SYNE2: variants seen among roughly 807,000 people sequenced by gnomAD.
The protein encoded by SYNE2 is nesprin-2.
Under a neutral mutation model 856.3 loss-of-function variants are expected in SYNE2, and 431 were observed. That is an observed-to-expected ratio of 0.50 (90% CI 0.47 to 0.55). SYNE2 has a LOEUF of 0.55. Ranked by LOEUF, SYNE2 falls within the 20% of genes least tolerant of loss-of-function variation. The pLI is 0.00. For synonymous variants in SYNE2, 2,923 were observed against 2,872.3 expected, an observed-to-expected ratio of 1.02 and a Z score of -0.56; for missense variants, 8,129 against 8,023.2, an observed-to-expected ratio of 1.01 and a Z score of -0.50.
chr14:63,853,963 A>G (rs1342151344), intron 1 of SYNE2, among the ~76,000 whole-genome samples: 1 of 152,162 alleles, frequency 6.6e-6, no homozygotes, highest in Non-Finnish European at 1.5e-5. Flanking sequence ...TGGGAACATT[A>G]GCGCCTTATT....
chr14:64,127,441 A>C (rs1168285613), intron 73 of SYNE2, among the ~76,000 whole-genome samples: 1 of 152,130 alleles, frequency 6.6e-6, no homozygotes, highest in Non-Finnish European at 1.5e-5. Flanking sequence ...AAAATAAAAA[A>C]AGTAGAGTCT....
rs763878521 is a variant in SYNE2 at position 64,002,805 on chromosome 14, C to T, written c.3872C>T (p.Pro1291Leu). 1 of 1,600,236 alleles carries T rather than the reference C, an allele frequency of 6.2e-7. No individual in the cohort carries two copies. The highest frequency in any genetic ancestry group is 1.4e-5 in the African/African-American group (1 of 70,676). The change falls in exon 30 of 116, where the codon CCA (proline) becomes CTA (leucine). Residue 1291 changes from proline (P) to leucine (L), a missense_variant. Coordinates refer to ENST00000555002, the MANE Select transcript of SYNE2 (RefSeq NM_182914.3). ...PGNFVLKELHPFDLHAMQNII... is the reference protein window; with the variant it reads ...PGNFVLKELHLFDLHAMQNII... ...AACTTTGTATTAAAGGAGTTACACC[C>T]ATTTGATCTACACGCAATGCAGAAT...
intron 10 of SYNE2, 36 bp downstream of exon 10, chr14:63,964,036 C>A (rs761551681): frequency 7.7e-7 from 1 of 1,295,746 alleles, no homozygotes; most frequent in South Asian, 1.2e-5. Context: ...TGTAATTTAC[C>A]TTTTAAGAGT....
intron 35 of SYNE2, 34 bp from the exon 36 acceptor site, chr14:64,021,281 C>T (rs750154181): frequency 4.6e-6 from 7 of 1,528,170 alleles, no homozygotes; most frequent in Non-Finnish European, 6.4e-6. Flanking sequence ...TAAATAATGA[C>T]TGTTATACAA....
At chr14:63,868,466 C>A (rs1430771598) in intron 1 of SYNE2, among the ~76,000 whole-genome samples, 1 of 149,526 alleles carries the variant, frequency 6.7e-6, no homozygotes, top group East Asian at 1.9e-4. Context: ...CAGAGTGAGA[C>A]CCTGCCTTAA....
At chr14:63,834,846 G>T (rs1290379423) in intron 1 of SYNE2, among the ~76,000 whole-genome samples, 1 of 149,432 alleles carries the variant, frequency 6.7e-6, no homozygotes, top group African/African-American at 2.5e-5. Flanking sequence ...TCACCATGTT[G>T]GCCAGATGGT....
intron 18 of SYNE2, among the ~76,000 whole-genome samples, chr14:63,984,495 T>G (rs2096610323): frequency 6.6e-6 from 1 of 152,220 alleles, no homozygotes; most frequent in Non-Finnish European, 1.5e-5. Context: ...ATTGGCTACC[T>G]TTAGGCTAGC....
chr14:64,222,658 G>A (rs1175976575), intron 112 of SYNE2, among the ~76,000 whole-genome samples: 10 of 152,292 alleles, frequency 6.6e-5, no homozygotes, highest in African/African-American at 1.9e-4. Context: ...CCCAGGAGGC[G>A]GAGGTTGCAG....
Position 64,022,008 on chromosome 14 carries a change from A to G in SYNE2, c.5504A>G (p.His1835Arg). The G allele has an allele frequency of 6.2e-7, 1 of 1,613,764 alleles. No homozygotes were observed. Among genetic ancestry groups the G allele is most frequent in the Admixed American group, 1.7e-5 (1 of 60,014 alleles). The change falls in exon 37 of 116, where the codon CAC becomes CGC. Residue 1835 changes from histidine to arginine, a missense_variant. By Grantham distance (29) the His-to-Arg change is conservative (BLOSUM62 0). Coordinates refer to ENST00000555002, the MANE Select transcript of SYNE2 (RefSeq NM_182914.3). ...FNTKKSVLQD[H>R]FSKLLNDQCK... Reference sequence around the variant, plus strand: ...ACCAAAAAAAGTGTTTTGCAAGATCACTTTTCTAAGTTATTGAATGGTGAG... The same window carrying G: ...ACCAAAAAAAGTGTTTTGCAAGATCGCTTTTCTAAGTTATTGAATGGTGAG...
At chr14:64,181,918 G>A (rs1174937183) in intron 96 of SYNE2, among the ~76,000 whole-genome samples, 1 of 152,076 alleles carries the variant, frequency 6.6e-6, no homozygotes, top group African/African-American at 2.4e-5. Flanking sequence ...GGAACAGTTT[G>A]GTTTTTAAAT....
At position 64,070,831 on chromosome 14, in the gene SYNE2, A is replaced by T; in HGVS notation, c.10618A>T (p.Asn3540Tyr). 6.2e-7 allele frequency: 1 copy of T among 1,614,216 alleles called. No homozygotes were observed. Among genetic ancestry groups the T allele is most frequent in the African/African-American group, 1.3e-5 (1 of 75,060 alleles). ...TCTTCAGCGCATCAGAAGTATCCAG[A>T]ATGTTCCTGAAAGCTCAGGGGCTGT... is the stretch of plus-strand genomic sequence containing the variant. ...LLLQRIRSIQ[N>Y]VPESSGAVET... The change falls in exon 52 of 116, where the codon AAT becomes TAT. Residue 3540 changes from asparagine to tyrosine, a missense_variant. This residue lies in a region of SYNE2 where 5,410 missense variants were observed against 5,284.8 expected (regional missense o/e 1.02). Coordinates refer to ENST00000555002, the MANE Select transcript of SYNE2 (RefSeq NM_182914.3).
chr14:63,857,378 T>C (rs1218770313), intron 1 of SYNE2, among the ~76,000 whole-genome samples: 3 of 152,202 alleles, frequency 2.0e-5, no homozygotes, highest in African/African-American at 4.8e-5. Context: ...TTTTCACCCA[T>C]TGATAGACAT....
At chr14:64,188,206 G>A (rs917146289) in intron 97 of SYNE2, among the ~76,000 whole-genome samples, 3 of 152,136 alleles carry the variant, frequency 2.0e-5, no homozygotes, top group Admixed American at 6.5e-5. Flanking sequence ...GATTTGATTC[G>A]TTGTTATAAG....
intron 88 of SYNE2, 35 bp downstream of exon 88, chr14:64,162,311 A>C (rs752320217): frequency 1.9e-6 from 3 of 1,607,092 alleles, no homozygotes; most frequent in Non-Finnish European, 2.6e-6. Flanking sequence ...ACCAAGGCCA[A>C]GTCAGCCCAA....
chr14:63,863,459 C>T (rs1894305583), intron 1 of SYNE2, among the ~76,000 whole-genome samples: 1 of 152,160 alleles, frequency 6.6e-6, no homozygotes, highest in South Asian at 2.1e-4. Context: ...CTGTGTGATA[C>T]ATGAATTAAT....
chr14:63,805,748 A>G (rs908715949), intron 1 of SYNE2, among the ~76,000 whole-genome samples: 5 of 152,086 alleles, frequency 3.3e-5, no homozygotes, highest in Non-Finnish European at 1.5e-5. Context: ...GGCTATTGTG[A>G]ATGGGATTGC....
In SYNE2 at chr14:63,878,510, C is replaced by T. The variant is rs1353873344; in HGVS notation, c.-52+25367C>T. The stretch of plus-strand genomic sequence containing the variant: ...CTAGATTCTGGTCATTTTGTTTCTG[C>T]TGCTGAAGCCCCCTTTTATTTTTTT... On this transcript the variant is annotated intron_variant, in intron 1 of 115. Transcript: ENST00000555002. Among the ~76,000 whole-genome samples, 4 of 152,220 alleles carry T rather than the reference C, an allele frequency of 2.6e-5. No homozygotes were observed. The East Asian group carries it at 7.7e-4, about 29-fold the overall frequency.
upstream of SYNE2, among the ~76,000 whole-genome samples, chr14:63,851,911 C>T (rs1274116215): frequency 1.4e-5 from 2 of 143,246 alleles, no homozygotes; most frequent in African/African-American, 5.2e-5. Context: ...AGCCAAACCC[C>T]GACTCTAAAA....
At chr14:64,189,002 T>C in intron 98 of SYNE2, 3 of 702,304 alleles carry the variant, frequency 4.3e-6, no homozygotes. Context: ...TGTCAGCTGA[T>C]ACCCCAAGTG....
Sources: gnomAD v4.1 joint callset for allele counts (sites outside exome capture counted in the v4.1 genomes callset) on GRCh38, gnomAD v4.1.1 for gene constraint, gnomAD v4.1.1 regional missense constraint, MANE v1.5 for transcripts, NCBI Gene and HGNC (gene_info 2026-07-23, HGNC 2026-07-21) for gene names.